DISC1: variants seen among roughly 807,000 people sequenced by gnomAD.
DISC1 encodes the protein DISC1 scaffold protein, also known as disrupted in schizophrenia 1 protein.
Under a neutral mutation model 84.5 loss-of-function variants are expected in DISC1, and 57 were observed. The observed-to-expected ratio is 0.67, with a 90% confidence interval of 0.55 to 0.84. DISC1 has a LOEUF of 0.84. Among genes scored for constraint, DISC1 ranks in the 40% least tolerant of loss-of-function variants. The pLI is 0.00. For synonymous variants in DISC1, 411 were observed against 415.2 expected (o/e 0.99, Z 0.12); for missense variants, 1,000 against 1,057.8 (o/e 0.95, Z 0.76).
At chr1:231,928,473 C>G (rs892293510) in intron 9 of DISC1, among the ~76,000 whole-genome samples, 1 of 152,212 alleles carries the variant, frequency 6.6e-6, no homozygotes, top group African/African-American at 2.4e-5. Flanking sequence ...AGCTAGCGGT[C>G]TATCTATTTT....
intron 6 of DISC1, among the ~76,000 whole-genome samples, chr1:231,781,964 C>T (rs2077460466): frequency 6.6e-6 from 1 of 152,196 alleles, no homozygotes; most frequent in Admixed American, 6.5e-5. Flanking sequence ...TAAGAGCACA[C>T]CTTTTTCGAG....
rs150110494 is a variant in DISC1 at position 231,630,401 on chromosome 1, T to A, written c.67+3467T>A. On this transcript the variant is annotated intron_variant, in intron 1 of 12. Coordinates refer to ENST00000439617, the MANE Select transcript of DISC1 (RefSeq NM_018662.3). The surrounding 1 kb of genome is among the most constrained non-coding windows in gnomAD (Gnocchi z 4.4). ...AGATTGACCTTGAGCCTCAAGCAAC[T>A]TCTGCCTCGACCTCCCAAAGTACCA... Among the ~76,000 whole-genome samples, 17 of 152,224 alleles carry A rather than the reference T, an allele frequency of 1.1e-4. No individual in the cohort carries two copies. The highest frequency in any genetic ancestry group is 2.4e-4 in the Non-Finnish European group (16 of 68,014).
chr1:231,779,615 C>T (rs976588543), intron 6 of DISC1, among the ~76,000 whole-genome samples: 3 of 129,634 alleles, frequency 2.3e-5, no homozygotes, highest in Admixed American at 9.5e-5. Flanking sequence ...GGCTGCAGTG[C>T]GGTGGTGCAT....
chr1:231,851,063 AG>A (rs1400317637), intron 9 of DISC1, among the ~76,000 whole-genome samples: 7 of 152,170 alleles, frequency 4.6e-5, no homozygotes, highest in Non-Finnish European at 1.5e-5. Context: ...TGACTTCTAA[AG>A]GGGGCCTGCC....
intron 9 of DISC1, among the ~76,000 whole-genome samples, chr1:231,844,377 T>C (rs1349737469): frequency 6.6e-6 from 1 of 152,148 alleles, no homozygotes; most frequent in Non-Finnish European, 1.5e-5. Flanking sequence ...TAGGACAAGG[T>C]ATGGGGGTGG....
At chr1:231,837,101 T>C (rs1439598653) in intron 9 of DISC1, among the ~76,000 whole-genome samples, 2 of 152,296 alleles carry the variant, frequency 1.3e-5, no homozygotes, top group Non-Finnish European at 2.9e-5. Flanking sequence ...CAATATAAAA[T>C]TTAGAGTACA....
chr1:231,818,217 G>A, intron 8 of DISC1, 112 bp from the exon 9 acceptor site: 1 of 1,076,034 alleles, frequency 9.3e-7, no homozygotes, highest in Admixed American at 1.7e-5. Flanking sequence ...TAATCTCAAA[G>A]TGCAGTTTCT....
intron 9 of DISC1, among the ~76,000 whole-genome samples, chr1:231,858,781 T>C (rs1015731412): frequency 3.9e-5 from 6 of 152,200 alleles, no homozygotes; most frequent in Admixed American, 3.3e-4. Flanking sequence ...CTGGCCTTCT[T>C]AGTATTTTAA....
intron 10 of DISC1, among the ~76,000 whole-genome samples, chr1:231,981,803 C>T (rs1663641520): frequency 6.6e-6 from 1 of 152,048 alleles, no homozygotes; most frequent in African/African-American, 2.4e-5. Context: ...CTGGGGAGAA[C>T]CAGTCTGACC....
At chr1:231,783,662 A>G (rs1436550827) in intron 6 of DISC1, among the ~76,000 whole-genome samples, 1 of 152,196 alleles carries the variant, frequency 6.6e-6, no homozygotes, top group Non-Finnish European at 1.5e-5. Flanking sequence ...TGATGTTGTG[A>G]TGTCAGGCAG....
At chr1:231,882,319 C>T (rs1014926580) in intron 9 of DISC1, among the ~76,000 whole-genome samples, 6 of 152,202 alleles carry the variant, frequency 3.9e-5, no homozygotes, top group Admixed American at 3.3e-4. Flanking sequence ...TGGAACACGG[C>T]GATGTTTTCT....
At chr1:231,927,438 G>C (rs2090417221) in intron 9 of DISC1, among the ~76,000 whole-genome samples, 1 of 152,144 alleles carries the variant, frequency 6.6e-6, no homozygotes, top group South Asian at 2.1e-4. Context: ...ATCATGTTCT[G>C]GTATCAAATT....
intron 1 of DISC1, among the ~76,000 whole-genome samples, chr1:231,662,288 T>C (rs1227747746): frequency 6.6e-6 from 1 of 152,218 alleles, no homozygotes; most frequent in Admixed American, 6.5e-5. Context: ...GTGTGCTGCA[T>C]TGTGGCAGAC....
chr1:231,834,878 G>A (rs902586893), intron 9 of DISC1, among the ~76,000 whole-genome samples: 3 of 152,308 alleles, frequency 2.0e-5, no homozygotes, highest in Middle Eastern at 6.8e-3. Flanking sequence ...AGACATCCCC[G>A]TGTGATTAAA....
At chr1:231,666,811 T>C (rs201824440) in intron 1 of DISC1, among the ~76,000 whole-genome samples, 1 of 152,106 alleles carries the variant, frequency 6.6e-6, no homozygotes, top group Non-Finnish European at 1.5e-5. Context: ...TGGCAACATG[T>C]AGAATCTGGA....
At chr1:231,838,486 AC>A (rs1186196838) in intron 9 of DISC1, among the ~76,000 whole-genome samples, 1 of 152,138 alleles carries the variant, frequency 6.6e-6, no homozygotes, top group Non-Finnish European at 1.5e-5. Flanking sequence ...GGAGAAAAAA[AC>A]CCCCTCCATG....
intron 9 of DISC1, among the ~76,000 whole-genome samples, chr1:231,909,743 A>T (rs1179567580): frequency 2.0e-5 from 3 of 152,210 alleles, no homozygotes; most frequent in Admixed American, 2.0e-4. Flanking sequence ...TTTCAGAAGG[A>T]ATGGTAGGTA....
At chr1:231,721,853 T>C (rs1167165339) in intron 3 of DISC1, among the ~76,000 whole-genome samples, 2 of 151,994 alleles carry the variant, frequency 1.3e-5, no homozygotes, top group African/African-American at 4.8e-5. Flanking sequence ...AAACAAAAAT[T>C]CTTGAAAAGC....
intron 10 of DISC1, among the ~76,000 whole-genome samples, chr1:231,990,396 C>T (rs1665049962): frequency 6.6e-6 from 1 of 152,056 alleles, no homozygotes; most frequent in African/African-American, 2.4e-5. Flanking sequence ...CCACCCCACC[C>T]AGGCACCACC....
Sources: allele counts gnomAD v4.1 joint callset (sites outside exome capture counted in the v4.1 genomes callset), GRCh38; gene constraint gnomAD v4.1.1; non-coding constraint Gnocchi (gnomAD v3.1); transcripts MANE v1.5; gene names NCBI Gene and HGNC (gene_info 2026-07-23, HGNC 2026-07-21).